Variants in CACNA2D4 observed in about 807,000 individuals in gnomAD.
The protein encoded by CACNA2D4 is voltage-dependent calcium channel subunit alpha-2/delta-4.
CACNA2D4 carries 157 observed loss-of-function variants against 163.8 expected under a neutral mutation model. The observed-to-expected ratio is 0.96, with a 90% CI of 0.84 to 1.09. The LOEUF is 1.09. CACNA2D4 is among the 50% of genes least tolerant of loss of function. The pLI is 0.00. For missense variants in CACNA2D4, 1,410 were observed against 1,479.9 expected (o/e 0.95, Z 0.78); for synonymous variants, 598 against 586.9 (o/e 1.02, Z -0.27).
rs567491624 is a variant in CACNA2D4, at chr12:1,799,174, G to A, written c.2995+501C>T. Among the ~76,000 whole-genome samples the A allele has an allele frequency of 2.0e-4, 30 of 152,352 alleles. No homozygotes were observed. The highest frequency in any genetic ancestry group is 4.6e-4 in the African/African-American group (19 of 41,590). On this transcript the variant is annotated intron_variant, in intron 34 of 37. Transcript: ENST00000382722. The surrounding 1 kb of genome is among the most constrained non-coding windows in gnomAD (Gnocchi z 4.7). ...GCTTTGAAAGGCCAGGCTCATTGCC[G>A]CCCTGCACGTGTGGCCACAGCCACC... is the stretch of plus-strand genomic sequence containing the variant.
intron 6 of CACNA2D4, among the ~76,000 whole-genome samples, chr12:1,889,103 A>C (rs10774004): frequency 0.12 from 17,596 of 152,252 alleles, 1,081 homozygotes; most frequent in Admixed American, 0.14. Context: ...GAATAGAATT[A>C]TTGATTTAGA....
rs1203214415 is a variant in CACNA2D4, at chr12:1,886,503, AT to A, written c.843-131del. 84 of 794,144 alleles carry A rather than the reference AT, an allele frequency of 1.1e-4. No individual in the cohort carries two copies. In the Middle Eastern group the frequency reaches 1.5e-3, roughly 14 times the overall value. The allele number at this position is 794,144 out of a possible 1,614,324, so 49.2% of individuals were successfully genotyped here. A position where few individuals can be genotyped will look rare whatever the true frequency, so the allele number is the denominator to read the frequency against. On this transcript the variant is annotated intron_variant, in intron 7 of 37. Coordinates refer to ENST00000382722, the MANE Select transcript of CACNA2D4 (RefSeq NM_172364.5). ...ACCCAAAGTTCAGGGCAACCCATCT[AT>A]GCCAGGTTTCACATGTTCCATAACC...
At chr12:1,860,048 G>T in intron 19 of CACNA2D4, 97 bp downstream of exon 19, 1 of 944,564 alleles carries the variant, frequency 1.1e-6, no homozygotes, top group Non-Finnish European at 1.7e-6. Flanking sequence ...TGCTGACCTG[G>T]GTCTTTTGCT....
intron 26 of CACNA2D4, among the ~76,000 whole-genome samples, chr12:1,813,056 C>T (rs1241736964): frequency 1.3e-5 from 2 of 152,132 alleles, no homozygotes. Flanking sequence ...GGCCAGAGGT[C>T]CAGCCCTGCA....
chr12:1,801,118 T>C lies in CACNA2D4; in HGVS notation c.2793A>G (p.Gln931=). Reference sequence around the variant, plus strand: ...TGGCCTGATAGTCATACATAGTCACTCTGAAAATCAGAAGCGGGCTGTGAT... The same window carrying C: ...TGGCCTGATAGTCATACATAGTCACCCTGAAAATCAGAAGCGGGCTGTGAT... ...TQLLSMGVFS[Q]VTMYDYQAMC... Residue 931 remains glutamine, a splice_region_variant and synonymous_variant, in exon 31 of 38, where the codon CAA becomes CAG. Transcript: ENST00000382722. 6.2e-7 allele frequency: 1 copy of C among 1,613,744 alleles called. No homozygotes were observed. Among genetic ancestry groups the C allele is most frequent in the Non-Finnish European group, 8.5e-7 (1 of 1,179,728 alleles).
chr12:1,918,405 G>T lies in CACNA2D4; in HGVS notation c.69C>A (p.Asn23Lys). ...NPRPTMPATP[N>K]FLANPSSSSR... The stretch of plus-strand genomic sequence containing the variant: ...TGCTGGAGCTGGGGTTTGCGAGGAA[G>T]TTGGGAGTTGCAGGCATGGTGGGCC... Residue 23 changes from asparagine (N) to lysine (K), a missense_variant, in exon 1 of 38, where the codon AAC becomes AAA. Coordinates refer to ENST00000382722, the MANE Select transcript of CACNA2D4 (RefSeq NM_172364.5). 1 of 1,598,566 alleles carries T rather than the reference G, an allele frequency of 6.3e-7. No individual in the cohort carries two copies. The highest frequency in any genetic ancestry group is 8.5e-7 in the Non-Finnish European group (1 of 1,172,990).
intron 6 of CACNA2D4, among the ~76,000 whole-genome samples, chr12:1,895,047 T>C (rs1263126903): frequency 6.6e-6 from 1 of 151,868 alleles, no homozygotes; most frequent in Non-Finnish European, 1.5e-5. Flanking sequence ...AGTTACAGGA[T>C]ATAAAATCAA....
rs926615554 is a variant in CACNA2D4, at chr12:1,874,763, C to T, written c.1807-88G>A. The T allele has an allele frequency of 2.1e-6, 2 of 947,442 alleles. No homozygotes were observed. The highest frequency in any genetic ancestry group is 3.4e-6 in the Non-Finnish European group (2 of 584,598). 58.7% of individuals were successfully genotyped at this position (947,442 alleles called of 1,614,324 possible). On this transcript the variant is annotated intron_variant, in intron 17 of 37. Transcript: ENST00000382722. The surrounding 1 kb of genome is among the most constrained non-coding windows in gnomAD (Gnocchi z 4.4). ...TTCTTCAGACCAGATTAGAGGTGAT[C>T]CCCAGAAACACTTTTGGTTCTTCCC...
At position 1,801,024 on chromosome 12, in the gene CACNA2D4, AG is replaced by A; in HGVS notation, c.2868+18del. 6.2e-7 allele frequency: 1 copy of A among 1,610,966 alleles called. No homozygotes were observed. The highest frequency in any genetic ancestry group is 8.5e-7 in the Non-Finnish European group (1 of 1,178,502). On this transcript the variant is annotated intron_variant, in intron 31 of 37. Transcript: ENST00000382722. Reference sequence around the variant, plus strand: ...ACTGGCTGGCTGGCTGGCAGAGGGAAGGGCTGGGTGACACTCACGCTGACCA... The same window carrying A: ...ACTGGCTGGCTGGCTGGCAGAGGGAAGGCTGGGTGACACTCACGCTGACCA...
chr12:1,846,049 C>T (rs1426731036), intron 24 of CACNA2D4, among the ~76,000 whole-genome samples: 1 of 152,174 alleles, frequency 6.6e-6, no homozygotes, highest in Non-Finnish European at 1.5e-5. Flanking sequence ...TAAGAGACCG[C>T]AAATCTCCCA....
chr12:1,894,343 C>A (rs1214993627), intron 6 of CACNA2D4, among the ~76,000 whole-genome samples: 1 of 152,144 alleles, frequency 6.6e-6, no homozygotes. Context: ...TCAAGTTATT[C>A]CAAAATATTG....
intron 1 of CACNA2D4, among the ~76,000 whole-genome samples, chr12:1,916,634 C>T (rs117990721): frequency 0.047 from 7,156 of 152,176 alleles, 228 homozygotes; most frequent in Middle Eastern, 0.085. Flanking sequence ...CCCAGCGGAG[C>T]GCAGTGCCAC....
Position 1,823,664 on chromosome 12 carries a change from C to T in CACNA2D4, c.2552-11941G>A, listed in dbSNP as rs892830806. The stretch of plus-strand genomic sequence containing the variant: ...GGTTTCTAGAAAGCCCCCCACCTTC[C>T]GTAAGATCTTGGCCTCCCAGGACTT... On this transcript the variant is annotated intron_variant, in intron 26 of 37. Transcript: ENST00000382722. 5.3e-5 allele frequency among the ~76,000 whole-genome samples: 8 copies of T among 152,098 alleles called. No individual in the cohort carries two copies. The South Asian group carries it at 6.2e-4, about 12-fold the overall frequency.
chr12:1,860,857 T>C (rs1487146839), intron 18 of CACNA2D4, among the ~76,000 whole-genome samples: 2 of 152,218 alleles, frequency 1.3e-5, no homozygotes, highest in African/African-American at 4.8e-5. Flanking sequence ...AGTACAAAAG[T>C]GGCTAAGGGC....
intron 2 of CACNA2D4, among the ~76,000 whole-genome samples, 159 bp from the exon 3 acceptor site, chr12:1,913,298 A>T (rs1866881118): frequency 6.6e-6 from 1 of 152,182 alleles, no homozygotes; most frequent in Non-Finnish European, 1.5e-5. Flanking sequence ...TCCCTGGACA[A>T]CATCCCCAGT....
At position 1,843,546 on chromosome 12, in the gene CACNA2D4, G is replaced by A. The variant is rs1056382982; in HGVS notation, c.2470+856C>T. Among the ~76,000 whole-genome samples the A allele has an allele frequency of 1.3e-5, 2 of 152,152 alleles. No homozygotes were observed. The highest frequency in any genetic ancestry group is 4.8e-5 in the African/African-American group (2 of 41,430). On this transcript the variant is annotated intron_variant, in intron 25 of 37. Coordinates refer to ENST00000382722, the MANE Select transcript of CACNA2D4 (RefSeq NM_172364.5). The surrounding 1 kb of genome is among the most constrained non-coding windows in gnomAD (Gnocchi z 4.6). ...GGATCAGCCGCCCCAGCACTCACCTGGTGGAGGGGTGGTGGAGGGGTGGCT... is the reference window on the plus strand; with the variant it reads ...GGATCAGCCGCCCCAGCACTCACCTAGTGGAGGGGTGGTGGAGGGGTGGCT...
chr12:1,805,591 T>G (rs983218710), intron 29 of CACNA2D4, among the ~76,000 whole-genome samples: 1 of 151,472 alleles, frequency 6.6e-6, no homozygotes, highest in Non-Finnish European at 1.5e-5. Flanking sequence ...TCTTAAGGAG[T>G]GTTTTGGACA....
intron 4 of CACNA2D4, among the ~76,000 whole-genome samples, chr12:1,909,690 C>T (rs1488227285): frequency 6.6e-6 from 1 of 152,248 alleles, no homozygotes; most frequent in East Asian, 1.9e-4. Flanking sequence ...TTGTGATGTG[C>T]TTTATACCGG....
intron 6 of CACNA2D4, among the ~76,000 whole-genome samples, chr12:1,892,410 T>C (rs933664781): frequency 6.6e-6 from 1 of 152,216 alleles, no homozygotes; most frequent in African/African-American, 2.4e-5. Flanking sequence ...CAAGAAATTC[T>C]TGAATTGTCC....
Sources: gnomAD v4.1 joint callset for allele counts (sites outside exome capture counted in the v4.1 genomes callset) on GRCh38, gnomAD v4.1.1 for gene constraint, Gnocchi (gnomAD v3.1) non-coding constraint, MANE v1.5 for transcripts, NCBI Gene and HGNC (gene_info 2026-07-23, HGNC 2026-07-21) for gene names.